Variants in SKP1 observed in about 807,000 individuals in gnomAD.
SKP1 encodes the protein S-phase kinase associated protein 1.
A neutral mutation model predicts 21.5 loss-of-function variants in SKP1; 1 was observed. The ratio of observed to expected loss-of-function variants is 0.05; its 90% CI spans 0.02 to 0.22. The LOEUF (loss-of-function observed/expected upper bound fraction) is 0.22. SKP1 is among the 10% of genes least tolerant of loss of function. The pLI, the probability that SKP1 is intolerant of heterozygous loss-of-function variation, is 1.00. For missense variants in SKP1, 70 were observed against 192.0 expected (o/e 0.36, Z 3.76); for synonymous variants, 59 against 59.3 (o/e 0.99, Z 0.03).
rs2300067 is a variant in SKP1, at chr5:134,175,227, G to A, written c.1-1205C>T. 17 of 152,320 alleles carry A rather than the reference G, an allele frequency of 1.1e-4. No individual in the cohort carries two copies. The East Asian group carries it at 2.9e-3, about 26-fold the overall frequency. The allele number at this position is 152,320 out of a possible 1,614,324, so 9.4% of individuals were successfully genotyped here. A position where few individuals can be genotyped will look rare whatever the true frequency, so the allele number is the denominator to read the frequency against. ...CAACCCCAAAGCAAACAGGTTGTTAGGCAAAGGAAGCAAAAAAGTAAAGCA... is the reference window on the plus strand; with the variant it reads ...CAACCCCAAAGCAAACAGGTTGTTAAGCAAAGGAAGCAAAAAAGTAAAGCA... On this transcript the variant is annotated intron_variant, in intron 1 of 5. Coordinates refer to ENST00000353411, the MANE Select transcript of SKP1 (RefSeq NM_170679.3).
At chr5:134,158,662 T>G in intron 4 of SKP1, 67 bp from the exon 5 acceptor site, 2 of 1,309,210 alleles carry the variant, frequency 1.5e-6, no homozygotes, top group Non-Finnish European at 2.2e-6. Flanking sequence ...AAGTTAATGA[T>G]TGACACTCCG....
At chr5:134,176,681 G>T (rs1290687238) in intron 1 of SKP1, 174 bp downstream of exon 1, 1 of 152,324 alleles carries the variant, frequency 6.6e-6, no homozygotes. Context: ...GCAGGTGAAC[G>T]GAACCTGGTA....
At chr5:134,166,259 A>T (rs1221170979) in intron 3 of SKP1, among the ~76,000 whole-genome samples, 1 of 150,712 alleles carries the variant, frequency 6.6e-6, no homozygotes, top group Admixed American at 6.6e-5. Flanking sequence ...AAAAAAAAAA[A>T]CATAGAAATG....
At chr5:134,165,583 CTCA>C (rs1761313747) in intron 3 of SKP1, among the ~76,000 whole-genome samples, 1 of 29,164 alleles carries the variant, frequency 3.4e-5, no homozygotes, top group Non-Finnish European at 6.1e-5. Flanking sequence ...GAGTGTCTGT[CTCA>C]AAAAAAAAAA....
chr5:134,158,113 A>C, intron 5 of SKP1: 1 of 1,401,878 alleles, frequency 7.1e-7, no homozygotes. Context: ...AAGTTGCTCT[A>C]AAGTACCCTA....
chr5:134,167,029 A>C, intron 3 of SKP1, 141 bp downstream of exon 3: 1 of 598,126 alleles, frequency 1.7e-6, no homozygotes. Context: ...TCACTCAAGT[A>C]AGTGTTTAAG....
chr5:134,167,857 T>C (rs1761363353), intron 2 of SKP1, among the ~76,000 whole-genome samples: 2 of 152,336 alleles, frequency 1.3e-5, no homozygotes, highest in Non-Finnish European at 2.9e-5. Context: ...CACAGTGATG[T>C]GCATATGTTA....
In SKP1 at chr5:134,157,241, T is replaced by G. The variant is rs1761136124; in HGVS notation, c.*492A>C. The G allele has an allele frequency of 6.1e-6, 1 of 163,280 alleles. No individual in the cohort carries two copies. Among genetic ancestry groups the G allele is most frequent in the Non-Finnish European group, 1.3e-5 (1 of 74,902 alleles). The allele number at this position is 163,280 out of a possible 1,614,324, so 10.1% of individuals were successfully genotyped here. ...GGCTAATCAATACAGTGGTACTCCTTGACTGCAGGAGGCTGGAAGACATCC... is the reference window on the plus strand; with the variant it reads ...GGCTAATCAATACAGTGGTACTCCTGGACTGCAGGAGGCTGGAAGACATCC... On this transcript the variant is annotated 3_prime_UTR_variant, in exon 6 of 6. Coordinates refer to ENST00000353411, the MANE Select transcript of SKP1 (RefSeq NM_170679.3).
chr5:134,167,105 A>G (rs1761346926), intron 3 of SKP1, 65 bp downstream of exon 3: 2 of 772,764 alleles, frequency 2.6e-6, no homozygotes, highest in East Asian at 5.1e-5. Flanking sequence ...TTGTTGAATT[A>G]CTTGTATTAA....
chr5:134,173,401 A>G (rs2267933), intron 2 of SKP1: 187,335 of 206,554 alleles, frequency 0.91, 85,688 homozygotes, highest in African/African-American at 0.98. Context: ...TGAGGTGGGA[A>G]GACTGACTGA....
intron 1 of SKP1, among the ~76,000 whole-genome samples, chr5:134,174,232 A>G (rs1761496644): frequency 1.3e-5 from 2 of 152,232 alleles, no homozygotes; most frequent in South Asian, 4.1e-4. Context: ...TATAACTACT[A>G]GGAACAGAAG....
chr5:134,169,587 G>C (rs1041914161), intron 2 of SKP1, among the ~76,000 whole-genome samples: 3 of 152,198 alleles, frequency 2.0e-5, no homozygotes, highest in Non-Finnish European at 4.4e-5. Context: ...GCTTTTGGCC[G>C]GGTGCAGTGG....
Position 134,150,659 on chromosome 5 carries a change from T to G in SKP1, c.*7074A>C, listed in dbSNP as rs1761030391. ...TTAAGCTCTTCAGGGCTTTAAGAGTTCACCAAGGGTTTCTGAAACAGCTGC... is the reference window on the plus strand; with the variant it reads ...TTAAGCTCTTCAGGGCTTTAAGAGTGCACCAAGGGTTTCTGAAACAGCTGC... On this transcript the variant is annotated 3_prime_UTR_variant, in exon 6 of 6. Coordinates refer to ENST00000353411, the MANE Select transcript of SKP1 (RefSeq NM_170679.3). The G allele has an allele frequency of 6.6e-6, 1 of 152,208 alleles. No individual in the cohort carries two copies. The highest frequency in any genetic ancestry group is 1.5e-5 in the Non-Finnish European group (1 of 68,040). 9.4% of individuals were successfully genotyped at this position (152,208 alleles called of 1,614,324 possible).
At position 134,154,625 on chromosome 5, in the gene SKP1, TGAAAGG is replaced by T. The variant is rs759934560; in HGVS notation, c.*3102_*3107del. 7.9e-5 allele frequency: 12 copies of T among 152,246 alleles called. No homozygotes were observed. The highest frequency in any genetic ancestry group is 1.5e-4 in the Non-Finnish European group (10 of 67,996). 9.4% of individuals were successfully genotyped at this position (152,246 alleles called of 1,614,324 possible). On this transcript the variant is annotated 3_prime_UTR_variant, in exon 6 of 6. Coordinates refer to ENST00000353411, the MANE Select transcript of SKP1 (RefSeq NM_170679.3). Reference sequence around the variant, plus strand: ...AGCCAAAGGACTGCCATGGAGTCCTTGAAAGGACTTCATCATTAAAAGCAGCACACT... The same window carrying T: ...AGCCAAAGGACTGCCATGGAGTCCTTACTTCATCATTAAAAGCAGCACACT...
In SKP1 at chr5:134,149,655, TC is replaced by T. The variant is rs1761011385; in HGVS notation, c.*8077del. On this transcript the variant is annotated 3_prime_UTR_variant, in exon 6 of 6. Transcript: ENST00000353411. ...ACACTAGCCATTCTCTGGACATCTG[TC>T]CCATTTTAAAGAATTCTGTTCTGGC... 6.6e-6 allele frequency: 1 copy of T among 152,220 alleles called. No individual in the cohort carries two copies. Among genetic ancestry groups the T allele is most frequent in the South Asian group, 2.1e-4 (1 of 4,826 alleles). 9.4% of individuals were successfully genotyped at this position (152,220 alleles called of 1,614,324 possible). A position where few individuals can be genotyped will look rare whatever the true frequency, so the allele number is the denominator to read the frequency against.
At chr5:134,168,438 T>C (rs1281380814) in intron 2 of SKP1, among the ~76,000 whole-genome samples, 2 of 152,054 alleles carry the variant, frequency 1.3e-5, no homozygotes, top group Non-Finnish European at 2.9e-5. Flanking sequence ...CCAAACATAA[T>C]GGTATGATCC....
rs1221293458 is a variant in SKP1 at position 134,152,410 on chromosome 5, C to T, written c.*5323G>A. Reference sequence around the variant, plus strand: ...CTGACTGTGCACTGCTTTTTCCTCACTTTGGCATCTGTCCACCCCCAAACA... The same window carrying T: ...CTGACTGTGCACTGCTTTTTCCTCATTTTGGCATCTGTCCACCCCCAAACA... On this transcript the variant is annotated 3_prime_UTR_variant, in exon 6 of 6. Transcript: ENST00000353411. 6.6e-6 allele frequency: 1 copy of T among 152,218 alleles called. No individual in the cohort carries two copies. Among genetic ancestry groups the T allele is most frequent in the Non-Finnish European group, 1.5e-5 (1 of 68,062 alleles). The allele number at this position is 152,218 out of a possible 1,614,324, so 9.4% of individuals were successfully genotyped here. A position where few individuals can be genotyped will look rare whatever the true frequency, so the allele number is the denominator to read the frequency against.
At chr5:134,158,624 G>A in intron 4 of SKP1, 29 bp from the exon 5 acceptor site, 1 of 1,598,946 alleles carries the variant, frequency 6.3e-7, no homozygotes, top group East Asian at 2.2e-5. Flanking sequence ...TTTCCTTAAA[G>A]TATACTTGAT....
In SKP1 at chr5:134,163,415, A is replaced by G. The variant is rs140377398; in HGVS notation, c.172-2285T>C. 3.9e-3 allele frequency among the ~76,000 whole-genome samples: 594 copies of G among 150,894 alleles called. 7 individuals are homozygous for G. The highest frequency in any genetic ancestry group is 0.013 in the African/African-American group (551 of 41,214). On this transcript the variant is annotated intron_variant, in intron 3 of 5. Transcript: ENST00000353411. ...ATAAGAGACAGGGAAAGGAGATTTT[A>G]TTGTACTTCCATAGTTTTGGCATCA...
Sources: gnomAD v4.1 joint callset for allele counts (sites outside exome capture counted in the v4.1 genomes callset) on GRCh38, gnomAD v4.1.1 for gene constraint, MANE v1.5 for transcripts, NCBI Gene and HGNC (gene_info 2026-07-23, HGNC 2026-07-21) for gene names.